ABCC4: variants seen among roughly 807,000 people sequenced by gnomAD.
The protein encoded by ABCC4 is ATP binding cassette subfamily C member 4 (PEL blood group), also known as ATP-binding cassette sub-family C member 4.
Under a neutral mutation model 168.5 loss-of-function variants are expected in ABCC4, and 102 were observed. The observed-to-expected ratio is 0.61, with a 90% CI of 0.52 to 0.71. The LOEUF (loss-of-function observed/expected upper bound fraction) is 0.71. Ranked by LOEUF, ABCC4 falls within the 30% of genes least tolerant of loss-of-function variation. The probability of loss-of-function intolerance (pLI) is 0.00; values close to 1 mark genes in which losing one functional copy is unlikely to be tolerated. For synonymous variants in ABCC4, 617 were observed against 590.7 expected, an observed-to-expected ratio of 1.04 and a Z score of -0.65; for missense variants, 1,402 against 1,605.8, an observed-to-expected ratio of 0.87 and a Z score of 2.17.
chr13:95,088,611 T>C (rs1386597420), intron 20 of ABCC4, among the ~76,000 whole-genome samples: 2 of 152,158 alleles, frequency 1.3e-5, no homozygotes, highest in African/African-American at 4.8e-5. Context: ...TATATTTCTA[T>C]ATAACACCTG....
intron 8 of ABCC4, among the ~76,000 whole-genome samples, chr13:95,206,072 T>C (rs2038770740): frequency 6.6e-6 from 1 of 152,210 alleles, no homozygotes; most frequent in African/African-American, 2.4e-5. Flanking sequence ...AAAGAACTTA[T>C]TTTCAAACAG....
chr13:95,121,788 G>A (rs2035580078), intron 19 of ABCC4, among the ~76,000 whole-genome samples: 2 of 152,068 alleles, frequency 1.3e-5, no homozygotes, highest in African/African-American at 2.4e-5. Flanking sequence ...AGGAGGCCAA[G>A]CACACCCAAC....
Position 95,043,727 on chromosome 13 carries a change from G to T in ABCC4, c.3690C>A (p.Thr1230=). ...REKFAHCTVL[T]IAHRLNTIID... Reference sequence around the variant, plus strand: ...TAATGGTGTTCAATCTGTGTGCAATGGTTAGCACGGTGCAGTGGGCAAATT... The same window carrying T: ...TAATGGTGTTCAATCTGTGTGCAATTGTTAGCACGGTGCAGTGGGCAAATT... The change falls in exon 29 of 31, where the codon ACC becomes ACA. Residue 1230 remains threonine, a synonymous_variant. Transcript: ENST00000645237. 1 of 1,613,938 alleles carries T rather than the reference G, an allele frequency of 6.2e-7. No individual in the cohort carries two copies. Among genetic ancestry groups the T allele is most frequent in the Non-Finnish European group, 8.5e-7 (1 of 1,179,920 alleles).
chr13:95,122,286 T>C (rs545638720), intron 19 of ABCC4, among the ~76,000 whole-genome samples: 2 of 152,328 alleles, frequency 1.3e-5, no homozygotes, highest in South Asian at 2.1e-4. Context: ...TCAGTTATCC[T>C]ACAAAACATC....
intron 4 of ABCC4, among the ~76,000 whole-genome samples, chr13:95,232,437 G>A (rs1424741127): frequency 1.3e-5 from 2 of 152,116 alleles, no homozygotes; most frequent in Non-Finnish European, 2.9e-5. Flanking sequence ...CCAGCACTTT[G>A]GGAGGCCGAG....
intron 20 of ABCC4, among the ~76,000 whole-genome samples, chr13:95,101,223 G>A (rs2034794629): frequency 6.6e-6 from 1 of 152,170 alleles, no homozygotes; most frequent in Non-Finnish European, 1.5e-5. Context: ...TTTGTGGGAG[G>A]AGGGACTGGC....
intron 21 of ABCC4, among the ~76,000 whole-genome samples, chr13:95,077,126 TGA>T (rs1406783499): frequency 6.6e-6 from 1 of 152,194 alleles, no homozygotes; most frequent in Non-Finnish European, 1.5e-5. Flanking sequence ...GAGGAATTCC[TGA>T]GAGTTTCAAT....
At position 95,170,570 on chromosome 13, in the gene ABCC4, A is replaced by G. The variant is rs757008486; in HGVS notation, c.1786T>C (p.Tyr596His). 3 of 1,612,184 alleles carry G rather than the reference A, an allele frequency of 1.9e-6. No homozygotes were observed. Among genetic ancestry groups the G allele is most frequent in the Non-Finnish European group, 2.5e-6 (3 of 1,179,604 alleles). Residue 596 changes from tyrosine to histidine, a missense_variant, in exon 14 of 31, where the codon TAC becomes CAC. Physicochemically the swap from Tyr to His is moderately conservative, Grantham distance 83 (BLOSUM62 2). This residue lies in a region of ABCC4 where 1,007 missense variants were observed against 1,127.3 expected (regional missense o/e 0.89). Coordinates refer to ENST00000645237, the MANE Select transcript of ABCC4 (RefSeq NM_005845.5). ...AGAATCTGACTTGCAGCTTTGAGGT[A>G]CTGCAACTGATGAGTCACTAAAATT... The part of the protein sequence containing the change: ...ITILVTHQLQ[Y>H]LKAASQILIL...
intron 6 of ABCC4, among the ~76,000 whole-genome samples, chr13:95,208,452 G>A (rs939404436): frequency 6.6e-6 from 1 of 151,656 alleles, no homozygotes; most frequent in East Asian, 1.9e-4. Context: ...TACACCATAA[G>A]CAAAAGCATA....
Position 95,166,347 on chromosome 13 carries a change from C to CCCCTT in ABCC4, c.1840_1844dup (p.Thr616ArgfsTer8), listed in dbSNP as rs765763181. The CCCCTT allele has an allele frequency of 3.1e-6, 5 of 1,612,954 alleles. No homozygotes were observed. Among genetic ancestry groups the CCCCTT allele is most frequent in the Non-Finnish European group, 4.2e-6 (5 of 1,179,938 alleles). On this transcript the variant is annotated frameshift_variant, in exon 15 of 31. Transcript: ENST00000645237. LOFTEE classifies it high-confidence loss of function. ...CAGATTTTAGGAACTCAGTGTAAGT[C>CCCCTT]CCCTTCTGCACCATTTTACCCTAAA...
intron 11 of ABCC4, among the ~76,000 whole-genome samples, chr13:95,183,987 ACCG>A (rs967150380): frequency 2.1e-5 from 3 of 140,302 alleles, no homozygotes; most frequent in African/African-American, 2.6e-5. Flanking sequence ...CTTCTCCACC[ACCG>A]GAGGCCCACC....
Position 95,234,809 on chromosome 13 carries a change from A to G in ABCC4, c.332T>C (p.Ile111Thr), listed in dbSNP as rs1306522244. 7 of 1,568,398 alleles carry G rather than the reference A, an allele frequency of 4.5e-6. No individual in the cohort carries two copies. The highest frequency in any genetic ancestry group is 6.1e-6 in the Non-Finnish European group (7 of 1,155,182). ...IEESAKVIQP[I>T]FLGKIINYFE... is the part of the protein sequence containing the mutation. ...ATAATTAATAATTTTTCCCAAAAAT[A>G]TGGGCTGGATTACTTTGGCACTTTC... Residue 111 changes from isoleucine to threonine, a missense_variant, in exon 4 of 31, where the codon ATA (isoleucine) becomes ACA (threonine). Transcript: ENST00000645237.
At chr13:95,244,347 G>A (rs904186278) in intron 3 of ABCC4, among the ~76,000 whole-genome samples, 3 of 151,766 alleles carry the variant, frequency 2.0e-5, no homozygotes, top group African/African-American at 7.3e-5. Flanking sequence ...TATAATCCCA[G>A]CACTTTGAGA....
In ABCC4 at chr13:95,021,562, A is replaced by G; in HGVS notation, c.*13T>C. 5 of 1,573,978 alleles carry G rather than the reference A, an allele frequency of 3.2e-6. No homozygotes were observed. Among genetic ancestry groups the G allele is most frequent in the Non-Finnish European group, 3.5e-6 (4 of 1,145,002 alleles). On this transcript the variant is annotated 3_prime_UTR_variant, in exon 31 of 31. Coordinates refer to ENST00000645237, the MANE Select transcript of ABCC4 (RefSeq NM_005845.5). ...AAAATGCCTTCGGAACGGACTTGACATTTTGGTTGGATTCACAGTGCTGTC... is the reference window on the plus strand; with the variant it reads ...AAAATGCCTTCGGAACGGACTTGACGTTTTGGTTGGATTCACAGTGCTGTC...
Position 95,073,229 on chromosome 13 carries a change from C to A in ABCC4, c.2993G>T (p.Arg998Leu). The change falls in exon 24 of 31, where the codon CGA becomes CTA. Residue 998 changes from arginine (R) to leucine (L), a missense_variant. Around this residue, in one of 3 missense-constraint regions of ABCC4, gnomAD observed 1,007 missense variants for 1,127.3 expected, o/e 0.89. Transcript: ENST00000645237. ...TLMGMFQWCV[R>L]QSAEVENMMI... Reference sequence around the variant, plus strand: ...CATATTCTCAACTTCAGCACTTTGTCGAACACACCACTGAAACATCCCCAT... The same window carrying A: ...CATATTCTCAACTTCAGCACTTTGTAGAACACACCACTGAAACATCCCCAT... 2 of 1,613,618 alleles carry A rather than the reference C, an allele frequency of 1.2e-6. No individual in the cohort carries two copies. The highest frequency in any genetic ancestry group is 2.2e-5 in the South Asian group (2 of 91,008).
chr13:95,080,458 T>C (rs552907495), intron 21 of ABCC4, among the ~76,000 whole-genome samples: 2 of 152,244 alleles, frequency 1.3e-5, no homozygotes, highest in Admixed American at 6.5e-5. Context: ...AGTGCAATGG[T>C]GCAATCTCGG....
chr13:95,188,133 T>G (rs2038127997), intron 10 of ABCC4, among the ~76,000 whole-genome samples: 1 of 151,242 alleles, frequency 6.6e-6, no homozygotes, highest in Non-Finnish European at 1.5e-5. Flanking sequence ...TAGGGTCCCC[T>G]CTGACAAAAA....
intron 13 of ABCC4, among the ~76,000 whole-genome samples, chr13:95,176,788 T>C (rs923040615): frequency 1.3e-5 from 2 of 152,178 alleles, no homozygotes; most frequent in African/African-American, 2.4e-5. Flanking sequence ...TCACTGACTT[T>C]AACAAGGCGA....
At chr13:95,064,260 G>GTATA (rs753635232) in intron 25 of ABCC4, among the ~76,000 whole-genome samples, 344 of 21,252 alleles carry the variant, frequency 0.016, no homozygotes, top group East Asian at 0.1. Flanking sequence ...GTGTGTGTGT[G>GTATA]TATATATATA....
Sources: gnomAD v4.1 joint callset for allele counts (sites outside exome capture counted in the v4.1 genomes callset) on GRCh38, gnomAD v4.1.1 for gene constraint, gnomAD v4.1.1 regional missense constraint, MANE v1.5 for transcripts, NCBI Gene and HGNC (gene_info 2026-07-23, HGNC 2026-07-21) for gene names.